Variants in ZFX observed in about 807,000 individuals in gnomAD.
ZFX encodes zinc finger protein X-linked.
For synonymous variants in ZFX, 196 were observed against 226.8 expected (o/e 0.86, Z 1.22); for missense variants, 362 against 628.3 (o/e 0.58, Z 4.53).
chrX:24,211,187 C>T lies in ZFX; in HGVS notation c.2229C>T (p.Gly743=), dbSNP rs1345346154. 8.3e-7 allele frequency: 1 copy of T among 1,212,022 alleles called. No homozygotes were observed. Among genetic ancestry groups the T allele is most frequent in the African/African-American group, 1.7e-5 (1 of 57,833 alleles). ...AAAAGCATATGAAGACACACAGTGG[C>T]AGGAAAGTGTATCAGTGTGAGTACT... ...ELKKHMKTHS[G]RKVYQCEYCE... is the part of the protein sequence containing the mutation. Residue 743 remains glycine, a synonymous_variant, in exon 10 of 10, where the codon GGC becomes GGT. Transcript: ENST00000304543.
chrX:24,208,026 T>G (rs1157335443), intron 7 of ZFX, among the ~76,000 whole-genome samples, 171 bp downstream of exon 7: 1 of 112,944 alleles, frequency 8.9e-6, no homozygotes, highest in Non-Finnish European at 1.9e-5. Context: ...AACCAAGTTA[T>G]GGTGAAAGCC....
intron 5 of ZFX, among the ~76,000 whole-genome samples, chrX:24,185,527 T>G (rs1418603493): frequency 3.6e-5 from 4 of 111,610 alleles, no homozygotes; most frequent in African/African-American, 1.3e-4. Context: ...CTTGGTTCAC[T>G]GCAGCTTCCA....
chrX:24,154,912 A>T (rs1339041401), intron 3 of ZFX, among the ~76,000 whole-genome samples: 2 of 111,805 alleles, frequency 1.8e-5, no homozygotes, highest in Admixed American at 9.6e-5. Flanking sequence ...GAATATTCTC[A>T]CATACAGGTG....
At chrX:24,160,298 C>CTTTT (rs397966885) in intron 3 of ZFX, among the ~76,000 whole-genome samples, 7 of 84,154 alleles carry the variant, frequency 8.3e-5, no homozygotes, top group Admixed American at 1.5e-4. Flanking sequence ...AATTGAAATG[C>CTTTT]TTTTTTTTTT....
At chrX:24,169,527 C>A (rs1934355045) in intron 3 of ZFX, among the ~76,000 whole-genome samples, 1 of 106,724 alleles carries the variant, frequency 9.4e-6, no homozygotes, top group Non-Finnish European at 1.9e-5. Context: ...AAGGCCAGTC[C>A]AGAGGCTATT....
intron 5 of ZFX, among the ~76,000 whole-genome samples, chrX:24,197,532 TTATGGAGAAGGAGGATAGA>T (rs1161166438): frequency 9.0e-6 from 1 of 111,290 alleles, no homozygotes; most frequent in Non-Finnish European, 1.9e-5. Context: ...GTGAAAATGC[TTATGGAGAAGGAGGATAGA>T]TATGGAGAAA....
chrX:24,186,971 G>A (rs1247201105), intron 5 of ZFX, among the ~76,000 whole-genome samples: 1 of 112,084 alleles, frequency 8.9e-6, no homozygotes, highest in African/African-American at 3.2e-5. Context: ...TGTACATCAT[G>A]CCTCATCCAA....
rs1376512923 is a variant in ZFX, at chrX:24,179,373, A to G, written c.249A>G (p.Glu83=). ...ATGTTCAGTGCCCAGATATCATGGA[A>G]GAAGCAGATGTGTCTGAAACGGTCA... ...IEDVQCPDIM[E]EADVSETVII... is the part of the protein sequence containing the mutation. The change falls in exon 5 of 10, where the codon GAA becomes GAG. Residue 83 remains glutamate, a synonymous_variant. Coordinates refer to ENST00000304543, the MANE Select transcript of ZFX (RefSeq NM_003410.4). 2.1e-5 allele frequency: 26 copies of G among 1,210,872 alleles called. No individual in the cohort carries two copies. The highest frequency in any genetic ancestry group is 2.9e-5 in the Non-Finnish European group (26 of 895,486).
chrX:24,202,200 C>T (rs111372479), intron 5 of ZFX, among the ~76,000 whole-genome samples: 1,995 of 111,948 alleles, frequency 0.018, 20 homozygotes, highest in Middle Eastern at 0.032. Context: ...CCCTTTTCCT[C>T]TGAGATCTGG....
rs1031190909 is a variant in ZFX, at chrX:24,215,810, G to C, written c.*4434G>C. On this transcript the variant is annotated 3_prime_UTR_variant, in exon 10 of 10. Transcript: ENST00000304543. The stretch of plus-strand genomic sequence containing the variant: ...CAAAGGTAAACTGAGTTGAGAGGAA[G>C]ATTCAGCATTTAAAAGAGAAGGGTT... The C allele has an allele frequency of 9.3e-6, 1 of 107,570 alleles. No homozygotes were observed. Among genetic ancestry groups the C allele is most frequent in the Non-Finnish European group, 1.9e-5 (1 of 52,129 alleles). The allele number at this position is 107,570 out of a possible 1,213,427, so 8.9% of individuals were successfully genotyped here.
At chrX:24,173,601 T>C in intron 4 of ZFX, 2 of 1,141,369 alleles carry the variant, frequency 1.8e-6, no homozygotes, top group Non-Finnish European at 2.3e-6. Flanking sequence ...GTTTTTTTGT[T>C]TTCAGACAGG....
intron 4 of ZFX, among the ~76,000 whole-genome samples, chrX:24,174,037 C>G (rs1273158348): frequency 9.2e-6 from 1 of 109,152 alleles, no homozygotes; most frequent in African/African-American, 3.3e-5. Context: ...ATGGTGAAAC[C>G]CCGTCTCTAC....
At chrX:24,189,253 T>A (rs892114179) in intron 5 of ZFX, among the ~76,000 whole-genome samples, 1 of 112,092 alleles carries the variant, frequency 8.9e-6, no homozygotes, top group Non-Finnish European at 1.9e-5. Context: ...GCTCACTTCT[T>A]GGTTTCCAGC....
chrX:24,164,806 G>A (rs781355404), intron 3 of ZFX, among the ~76,000 whole-genome samples: 2 of 109,740 alleles, frequency 1.8e-5, no homozygotes, highest in African/African-American at 6.6e-5. Context: ...GCGTGGTGGT[G>A]CATGCCTGTA....
At chrX:24,197,301 A>C in intron 5 of ZFX, among the ~76,000 whole-genome samples, 1 of 111,897 alleles carries the variant, frequency 8.9e-6, no homozygotes, top group Admixed American at 9.6e-5. Context: ...TCCCATCTCT[A>C]CCAAAACAAA....
intron 4 of ZFX, among the ~76,000 whole-genome samples, chrX:24,174,587 G>T (rs1934963556): frequency 9.1e-6 from 1 of 109,480 alleles, no homozygotes; most frequent in African/African-American, 3.3e-5. Context: ...GTAGAACGGG[G>T]TTTCACCATG....
intron 4 of ZFX, chrX:24,173,786 G>A (rs745515478): frequency 4.7e-6 from 2 of 423,022 alleles, no homozygotes; most frequent in South Asian, 3.7e-5. Context: ...GTAGTGACGG[G>A]GTTTTGCCAC....
chrX:24,207,189 A>T (rs1319011934), intron 5 of ZFX, 137 bp from the exon 6 acceptor site: 20 of 589,508 alleles, frequency 3.4e-5, no homozygotes, highest in Non-Finnish European at 4.9e-5. Context: ...GTGAGCTGAG[A>T]TCGCGCCACT....
chrX:24,174,596 T>C (rs971302162), intron 4 of ZFX, among the ~76,000 whole-genome samples: 2 of 110,042 alleles, frequency 1.8e-5, no homozygotes, highest in Non-Finnish European at 1.9e-5. Context: ...GGTTTCACCA[T>C]GTTGGCTAGG....
Sources: gnomAD v4.1 joint callset for allele counts (sites outside exome capture counted in the v4.1 genomes callset) on GRCh38, gnomAD v4.1.1 for gene constraint, MANE v1.5 for transcripts, NCBI Gene and HGNC (gene_info 2026-07-23, HGNC 2026-07-21) for gene names.